The following MESD variants were observed in gnomAD, a reference collection of about 807,000 sequenced individuals.
MESD encodes the protein LRP chaperone MESD.
Under a neutral mutation model 12.9 loss-of-function variants are expected in MESD, and 7 were observed. That is an observed-to-expected ratio of 0.54 (90% CI 0.31 to 1.02). The LOEUF (loss-of-function observed/expected upper bound fraction) is 1.02. Ranked by LOEUF, MESD falls within the 50% of genes least tolerant of loss-of-function variation. The probability of loss-of-function intolerance (pLI) is 0.05; values close to 1 mark genes in which losing one functional copy is unlikely to be tolerated. For synonymous variants in MESD, 126 were observed against 115.6 expected (o/e 1.09, Z -0.58); for missense variants, 342 against 296.7 (o/e 1.15, Z -1.12).
At chr15:80,947,459 T>C in exon 5 of MESD, 1 of 256,140 alleles carries the variant, frequency 3.9e-6, no homozygotes, top group Non-Finnish European at 7.7e-6. Context: ...AGCTGATGCC[T>C]AGCGTTTGTA....
chr15:80,982,313 G>C, intron 1 of MESD, 131 bp from the exon 2 acceptor site: 1 of 700,632 alleles, frequency 1.4e-6, no homozygotes, highest in Non-Finnish European at 2.4e-6. Context: ...GGAAAACCAG[G>C]GGTTTTCTTC....
chr15:80,956,705 T>C (rs1049558939), intron 3 of MESD, among the ~76,000 whole-genome samples: 2 of 152,192 alleles, frequency 1.3e-5, no homozygotes, highest in African/African-American at 4.8e-5. Context: ...ATTGTTAATA[T>C]TTACAAAGGA....
Position 80,978,472 on chromosome 15 carries a change from A to G in MESD, c.*747T>C, listed in dbSNP as rs1430464945. 2.0e-5 allele frequency: 3 copies of G among 152,228 alleles called. No homozygotes were observed. Among genetic ancestry groups the G allele is most frequent in the Non-Finnish European group, 4.4e-5 (3 of 68,054 alleles). 9.4% of individuals were successfully genotyped at this position (152,228 alleles called of 1,614,324 possible). On this transcript the variant is annotated 3_prime_UTR_variant, in exon 3 of 3. Transcript: ENST00000261758. The stretch of plus-strand genomic sequence containing the variant: ...ACTCTGCAAAGGACTCTGATTCCCT[A>G]CTTAAATCCTTTAAAACTGTCACAT...
intron 3 of MESD, among the ~76,000 whole-genome samples, chr15:80,961,345 T>G (rs1054907461): frequency 6.7e-6 from 1 of 148,932 alleles, no homozygotes; most frequent in Admixed American, 6.7e-5. Flanking sequence ...AGAAAAAATA[T>G]AAATGGCAAA....
rs2141805045 is a variant in MESD at position 80,975,964 on chromosome 15, C to G, written c.*3255G>C. On this transcript the variant is annotated 3_prime_UTR_variant, in exon 3 of 3. Coordinates refer to ENST00000261758, the MANE Select transcript of MESD (RefSeq NM_015154.3). Reference sequence around the variant, plus strand: ...AGGGCAACAGAGTGAGACCCTGTCTCAAAAACAAAAACAAATGACATTTCT... The same window carrying G: ...AGGGCAACAGAGTGAGACCCTGTCTGAAAAACAAAAACAAATGACATTTCT... 6.6e-6 allele frequency: 1 copy of G among 152,244 alleles called. No homozygotes were observed. The highest frequency in any genetic ancestry group is 2.4e-5 in the African/African-American group (1 of 41,542). 9.4% of individuals were successfully genotyped at this position (152,244 alleles called of 1,614,324 possible).
At chr15:80,985,993 G>A (rs1275683002) in intron 1 of MESD, among the ~76,000 whole-genome samples, 2 of 151,828 alleles carry the variant, frequency 1.3e-5, no homozygotes, top group Non-Finnish European at 2.9e-5. Flanking sequence ...TTAAATAGTC[G>A]TAAGTCTAGT....
chr15:80,948,627 C>A, exon 5 of MESD: 2 of 871,244 alleles, frequency 2.3e-6, no homozygotes, highest in East Asian at 2.5e-5. Flanking sequence ...AAACACATGT[C>A]AGGCACCATC....
intron 3 of MESD, among the ~76,000 whole-genome samples, chr15:80,961,168 T>C (rs958578286): frequency 3.3e-5 from 5 of 152,068 alleles, no homozygotes; most frequent in African/African-American, 1.2e-4. Flanking sequence ...TGCACACAAT[T>C]TGCAAACAAT....
rs138055041 is a variant in MESD at position 80,989,648 on chromosome 15, G to A, written c.144C>T (p.Pro48=). Residue 48 remains proline, a synonymous_variant, in exon 1 of 3, where the codon CCC becomes CCT. Coordinates refer to ENST00000261758, the MANE Select transcript of MESD (RefSeq NM_015154.3). ...PGTPDESTPP[P]RKKKKDIRDY... is the part of the protein sequence containing the mutation. ...CGCGAATATCCTTCTTCTTCTTCCG[G>A]GGAGGTGGGGTAGACTCGTCGGGCG... The A allele has an allele frequency of 5.6e-6, 9 of 1,613,838 alleles. No homozygotes were observed. Among genetic ancestry groups the A allele is most frequent in the Admixed American group, 1.7e-5 (1 of 60,012 alleles).
chr15:80,972,586 G>T (rs545321049), downstream of MESD, among the ~76,000 whole-genome samples: 2 of 152,320 alleles, frequency 1.3e-5, no homozygotes, highest in East Asian at 3.9e-4. Flanking sequence ...ACTCAGGCAC[G>T]TGTAAGTAAC....
intron 3 of MESD, among the ~76,000 whole-genome samples, chr15:80,970,155 C>T (rs1367888542): frequency 6.6e-6 from 1 of 152,194 alleles, no homozygotes; most frequent in African/African-American, 2.4e-5. Flanking sequence ...CTGAAGAATT[C>T]TCACCGAAGG....
At chr15:80,981,457 C>A (rs866168299) in intron 2 of MESD, among the ~76,000 whole-genome samples, 1,392 of 126,038 alleles carry the variant, frequency 0.011, 14 homozygotes, top group African/African-American at 0.028. Context: ...AAAAAAAAAA[C>A]AAACTAGATA....
intron 1 of MESD, 36 bp downstream of exon 1, chr15:80,989,543 A>G (rs947754658): frequency 5.6e-6 from 9 of 1,599,592 alleles, no homozygotes; most frequent in Non-Finnish European, 7.7e-6. Flanking sequence ...GGTCCCGCAC[A>G]GAGAAGAGCC....
exon 4 of MESD, chr15:80,952,226 A>G (rs1257034818): frequency 2.2e-6 from 1 of 456,244 alleles, no homozygotes; most frequent in Admixed American, 2.3e-5. Context: ...ACAGGTCCAA[A>G]TCAAACTGGC....
At chr15:80,973,906 C>T (rs1902346485), downstream of MESD, among the ~76,000 whole-genome samples, 1 of 152,170 alleles carries the variant, frequency 6.6e-6, no homozygotes, top group South Asian at 2.1e-4. Flanking sequence ...TATTGCATGA[C>T]CTTTCTTCTC....
chr15:80,979,146 C>T lies in MESD; in HGVS notation c.*73G>A. ...TCCGGTGTGCAGTTGCCTGAGACCACTCCCACCCCAGGAGCTGGGCAAAGA... is the reference window on the plus strand; with the variant it reads ...TCCGGTGTGCAGTTGCCTGAGACCATTCCCACCCCAGGAGCTGGGCAAAGA... On this transcript the variant is annotated 3_prime_UTR_variant, in exon 3 of 3. Coordinates refer to ENST00000261758, the MANE Select transcript of MESD (RefSeq NM_015154.3). 1 of 1,549,536 alleles carries T rather than the reference C, an allele frequency of 6.5e-7. No individual in the cohort carries two copies. Among genetic ancestry groups the T allele is most frequent in the Middle Eastern group, 1.8e-4 (1 of 5,712 alleles).
At chr15:80,962,897 A>G (rs1596226945) in intron 3 of MESD, among the ~76,000 whole-genome samples, 1 of 152,340 alleles carries the variant, frequency 6.6e-6, no homozygotes, top group East Asian at 1.9e-4. Context: ...AAGATCTAAA[A>G]TCGACACCCT....
intron 3 of MESD, among the ~76,000 whole-genome samples, chr15:80,966,896 T>C (rs532211301): frequency 1.8e-4 from 28 of 152,326 alleles, no homozygotes; most frequent in Non-Finnish European, 1.3e-4. Context: ...AACTCCTCCT[T>C]ATTGGGCAGT....
chr15:80,952,948 G>A, intron 3 of MESD: 2 of 455,990 alleles, frequency 4.4e-6, no homozygotes, highest in South Asian at 3.1e-5. Context: ...TGCCCAATGA[G>A]TGGTGTGGCA....
Sources: gnomAD v4.1 joint callset for allele counts (sites outside exome capture counted in the v4.1 genomes callset) on GRCh38, gnomAD v4.1.1 for gene constraint, MANE v1.5 for transcripts, NCBI Gene and HGNC (gene_info 2026-07-23, HGNC 2026-07-21) for gene names.